The following ZNF624 variants were observed in gnomAD, a reference collection of about 807,000 sequenced individuals.
The protein encoded by ZNF624 is zinc finger protein 624.
In ZNF624, 43 loss-of-function variants were observed where a neutral mutation model predicts 74.7. That is an observed-to-expected ratio of 0.58 (90% confidence interval 0.45 to 0.74). The LOEUF (loss-of-function observed/expected upper bound fraction) is 0.74, where lower values mean the gene tolerates loss of function less well. Among genes scored for constraint, ZNF624 ranks in the 30% least tolerant of loss-of-function variants. ZNF624 has a pLI of 0.00. For missense variants in ZNF624, 820 were observed against 1,030.0 expected (o/e 0.80, Z 2.79); for synonymous variants, 331 against 341.3 (o/e 0.97, Z 0.33).
rs1569049478 is a variant in ZNF624 at position 16,649,739 on chromosome 17, A to C, written c.6T>G (p.Ser2=). 3 of 1,613,074 alleles carry C rather than the reference A, an allele frequency of 1.9e-6. No individual in the cohort carries two copies. The highest frequency in any genetic ancestry group is 8.5e-7 in the Non-Finnish European group (1 of 1,179,232). The change falls in exon 2 of 6, where the codon TCT becomes TCG. Residue 2 remains serine (S), a synonymous_variant. Coordinates refer to ENST00000311331, the MANE Select transcript of ZNF624 (RefSeq NM_020787.4). ...CTCTGGAAAGAGTGGAGTCTTGCAA[A>C]GACATACCTAAGGAAGAGAAATAAG... M[S]LQDSTLSREG...
At chr17:16,617,429 C>G (rs1376981636), downstream of ZNF624, 3 of 1,612,554 alleles carry the variant, frequency 1.9e-6, no homozygotes, top group Non-Finnish European at 2.5e-6. Flanking sequence ...GAGCGAAACT[C>G]AATTACACCC....
At chr17:16,617,731 C>A, downstream of ZNF624, 1 of 1,602,904 alleles carries the variant, frequency 6.2e-7, no homozygotes, top group Non-Finnish European at 8.5e-7. Flanking sequence ...TCGTAAAGGG[C>A]GTCGTCGGTG....
In ZNF624 at chr17:16,623,248, G is replaced by C; in HGVS notation, c.1638C>G (p.His546Gln). The C allele has an allele frequency of 6.2e-7, 1 of 1,613,852 alleles. No individual in the cohort carries two copies. Among genetic ancestry groups the C allele is most frequent in the Non-Finnish European group, 8.5e-7 (1 of 1,179,892 alleles). ...AFINYSCLTV[H>Q]HRMHTGEKPY... ...GTTTCTCTCCTGTATGCATTCTGTG[G>C]TGTACAGTAAGGCATGAATAATTAA... Residue 546 changes from histidine to glutamine, a missense_variant, in exon 6 of 6, where the codon CAC becomes CAG. His to Gln is a conservative substitution (Grantham distance 24, BLOSUM62 0). Coordinates refer to ENST00000311331, the MANE Select transcript of ZNF624 (RefSeq NM_020787.4). The surrounding 1 kb of genome is among the most constrained non-coding windows in gnomAD (Gnocchi z 5.3).
rs1036952059 is a variant in ZNF624, at chr17:16,622,113, G to A, written c.*175C>T. On this transcript the variant is annotated 3_prime_UTR_variant, in exon 6 of 6. Transcript: ENST00000311331. Reference sequence around the variant, plus strand: ...TGTTCATTATTTTCCTCTAGTGAGAGTTTCCTTATAACTTCTAAGATTTAA... The same window carrying A: ...TGTTCATTATTTTCCTCTAGTGAGAATTTCCTTATAACTTCTAAGATTTAA... The A allele has an allele frequency of 2.0e-5, 9 of 449,382 alleles. No homozygotes were observed. The highest frequency in any genetic ancestry group is 3.4e-5 in the Non-Finnish European group (9 of 265,304). The allele number at this position is 449,382 out of a possible 1,614,324, so 27.8% of individuals were successfully genotyped here.
In ZNF624 at chr17:16,622,127, T is replaced by C. The variant is rs1261520445; in HGVS notation, c.*161A>G. ...CTCTAGTGAGAGTTTCCTTATAACTTCTAAGATTTAATATTATTAAATGAT... is the reference window on the plus strand; with the variant it reads ...CTCTAGTGAGAGTTTCCTTATAACTCCTAAGATTTAATATTATTAAATGAT... On this transcript the variant is annotated 3_prime_UTR_variant, in exon 6 of 6. Transcript: ENST00000311331. 3 of 499,074 alleles carry C rather than the reference T, an allele frequency of 6.0e-6. No homozygotes were observed. The highest frequency in any genetic ancestry group is 9.9e-6 in the Non-Finnish European group (3 of 303,296). 30.9% of individuals were successfully genotyped at this position (499,074 alleles called of 1,614,324 possible).
intron 5 of ZNF624, among the ~76,000 whole-genome samples, chr17:16,630,141 G>A (rs1046322260): frequency 1.3e-5 from 2 of 151,784 alleles, no homozygotes; most frequent in Non-Finnish European, 2.9e-5. Flanking sequence ...TTGTACATAA[G>A]ACAGAAAACA....
the ZNF624 span, among the ~76,000 whole-genome samples, chr17:16,615,098 GCTTT>G: frequency 6.6e-6 from 1 of 152,040 alleles, no homozygotes; most frequent in Non-Finnish European, 1.5e-5. Flanking sequence ...TTCAGTTTCA[GCTTT>G]CTTTTTTATT....
intron 3 of ZNF624, among the ~76,000 whole-genome samples, chr17:16,644,046 A>G (rs1382946867): frequency 6.6e-6 from 1 of 152,138 alleles, no homozygotes; most frequent in Non-Finnish European, 1.5e-5. Flanking sequence ...TGTTAAAAAG[A>G]GCATGGCCCC....
chr17:16,624,635 CTTGT>C (rs1198930643), intron 5 of ZNF624, 126 bp from the exon 6 acceptor site: 5 of 915,064 alleles, frequency 5.5e-6, no homozygotes, highest in Non-Finnish European at 7.8e-6. Context: ...TTCACACTGA[CTTGT>C]TTTTTAGTGA....
In ZNF624 at chr17:16,623,773, C is replaced by A; in HGVS notation, c.1113G>T (p.Gln371His). ...QCNVCGKSFS[Q>H]CARLNQHQRI... is the part of the protein sequence containing the mutation. ...TCTGGTGCTGATTAAGACGGGCACA[C>A]TGGCTAAAAGATTTCCCACACACAT... Residue 371 changes from glutamine (Q) to histidine (H), a missense_variant, in exon 6 of 6, where the codon CAG (glutamine) becomes CAT (histidine). Physicochemically the swap from Gln to His is conservative, Grantham distance 24. Coordinates refer to ENST00000311331, the MANE Select transcript of ZNF624 (RefSeq NM_020787.4). This position sits in a 1 kb window ranked among gnomAD's most constrained non-coding sequence, Gnocchi z 5.3. 1 of 1,614,016 alleles carries A rather than the reference C, an allele frequency of 6.2e-7. No homozygotes were observed. The highest frequency in any genetic ancestry group is 2.2e-5 in the East Asian group (1 of 44,876).
Position 16,649,751 on chromosome 17 carries a change from G to A in ZNF624, c.-2-5C>T, listed in dbSNP as rs757055303. 1.9e-6 allele frequency: 3 copies of A among 1,611,840 alleles called. No homozygotes were observed. The highest frequency in any genetic ancestry group is 2.5e-6 in the Non-Finnish European group (3 of 1,178,062). ...TGGAGTCTTGCAAAGACATACCTAA[G>A]GAAGAGAAATAAGCCATGGAAACCA... is the stretch of plus-strand genomic sequence containing the variant. On this transcript the variant is annotated splice_polypyrimidine_tract_variant and splice_region_variant and intron_variant, in intron 1 of 5. Transcript: ENST00000311331.
downstream of ZNF624, among the ~76,000 whole-genome samples, chr17:16,618,951 G>T (rs966198908): frequency 6.6e-6 from 1 of 152,144 alleles, no homozygotes; most frequent in African/African-American, 2.4e-5. Context: ...TCTTTATTGT[G>T]TAAGGGGTCA....
downstream of ZNF624, chr17:16,617,184 T>C: frequency 6.2e-7 from 1 of 1,612,696 alleles, no homozygotes; most frequent in South Asian, 1.1e-5. Flanking sequence ...GAGAACGTGA[T>C]CGACCTTTGC....
In ZNF624 at chr17:16,623,446, G is replaced by A; in HGVS notation, c.1440C>T (p.Ala480=). ...CGATAAGGCTTGAATTACTTCTATA[G>A]GCTTTTCCACATTCGTTACATCTAA... ...KPFRCNECGK[A]YRSNSSLIVH... Residue 480 remains alanine (A), a synonymous_variant, in exon 6 of 6, where the codon GCC becomes GCT. Coordinates refer to ENST00000311331, the MANE Select transcript of ZNF624 (RefSeq NM_020787.4). This position sits in a 1 kb window ranked among gnomAD's most constrained non-coding sequence, Gnocchi z 5.3. 1.2e-6 allele frequency: 2 copies of A among 1,613,698 alleles called. No homozygotes were observed. Among genetic ancestry groups the A allele is most frequent in the Non-Finnish European group, 1.7e-6 (2 of 1,179,886 alleles).
intron 3 of ZNF624, among the ~76,000 whole-genome samples, chr17:16,642,410 A>C (rs961618085): frequency 1.8e-4 from 27 of 152,200 alleles, no homozygotes; most frequent in African/African-American, 6.5e-4. Flanking sequence ...GTACTAAGAC[A>C]ATGAGTAGAG....
downstream of ZNF624, chr17:16,617,650 C>G (rs1289568045): frequency 1.2e-6 from 2 of 1,607,204 alleles, no homozygotes; most frequent in Admixed American, 3.3e-5. Context: ...CTGTAGCTGT[C>G]GCGATTGCGA....
At chr17:16,639,615 A>G (rs752264205) in intron 3 of ZNF624, among the ~76,000 whole-genome samples, 5 of 152,182 alleles carry the variant, frequency 3.3e-5, no homozygotes, top group Non-Finnish European at 7.3e-5. Flanking sequence ...TGCCCAACAC[A>G]TACAAAGGCC....
chr17:16,621,517 G>C lies in ZNF624; in HGVS notation c.*771C>G, dbSNP rs1191243573. On this transcript the variant is annotated 3_prime_UTR_variant, in exon 6 of 6. Transcript: ENST00000311331. ...TATGTTACACAACCTTTAAGTAATA[G>C]TACATGGTTTCCCAAACCCCAATAG... The C allele has an allele frequency of 6.6e-6, 1 of 152,174 alleles. No homozygotes were observed. Among genetic ancestry groups the C allele is most frequent in the Non-Finnish European group, 1.5e-5 (1 of 68,032 alleles). 9.4% of individuals were successfully genotyped at this position (152,174 alleles called of 1,614,324 possible).
Position 16,653,831 on chromosome 17 carries a change from G to C in ZNF624, c.-70C>G, listed in dbSNP as rs1249389558. 2.0e-5 allele frequency: 3 copies of C among 152,812 alleles called. No individual in the cohort carries two copies. The highest frequency in any genetic ancestry group is 7.2e-5 in the African/African-American group (3 of 41,480). The allele number at this position is 152,812 out of a possible 1,614,324, so 9.5% of individuals were successfully genotyped here. The stretch of plus-strand genomic sequence containing the variant: ...GGGCGGGAACGCTTCCAGCAATGGC[G>C]GCGGCTCGGCGGTGCCGGCCTCCAG... On this transcript the variant is annotated 5_prime_UTR_variant, in exon 1 of 6. Transcript: ENST00000311331.
Sources: allele counts gnomAD v4.1 joint callset (sites outside exome capture counted in the v4.1 genomes callset), GRCh38; gene constraint gnomAD v4.1.1; non-coding constraint Gnocchi (gnomAD v3.1); transcripts MANE v1.5; gene names NCBI Gene and HGNC (gene_info 2026-07-23, HGNC 2026-07-21).